OPRM1: variants seen among roughly 807,000 people sequenced by gnomAD.
OPRM1 encodes the protein mu-type opioid receptor.
In OPRM1, 27 loss-of-function variants were observed where a neutral mutation model predicts 31.8. The observed-to-expected ratio is 0.85, with a 90% confidence interval of 0.63 to 1.17. The LOEUF (loss-of-function observed/expected upper bound fraction) is 1.17, where lower values mean the gene tolerates loss of function less well. Among genes scored for constraint, OPRM1 ranks in the 50% most tolerant of loss-of-function variants. The pLI is 0.00. For missense variants in OPRM1, 536 were observed against 511.1 expected, an observed-to-expected ratio of 1.05 and a Z score of -0.47; for synonymous variants, 196 against 189.9, an observed-to-expected ratio of 1.03 and a Z score of -0.26.
chr6:154,165,047 T>C (rs1799319026), intron 3 of OPRM1, among the ~76,000 whole-genome samples: 4 of 152,186 alleles, frequency 2.6e-5, no homozygotes. Flanking sequence ...ACAGTTTCCT[T>C]GTTTCTGCAT....
At chr6:154,178,219 C>G (rs1434805422) in intron 3 of OPRM1, among the ~76,000 whole-genome samples, 1 of 152,100 alleles carries the variant, frequency 6.6e-6, no homozygotes, top group African/African-American at 2.4e-5. Flanking sequence ...AGCAAACCAC[C>G]ATGGCACATG....
chr6:154,063,472 C>A (rs1268808426), intron 1 of OPRM1, among the ~76,000 whole-genome samples: 1 of 151,722 alleles, frequency 6.6e-6, no homozygotes, highest in Non-Finnish European at 1.5e-5. Context: ...TTTTTTAACC[C>A]TAATTCATAT....
At chr6:154,110,886 CAAAAAA>C (rs374739553) in intron 3 of OPRM1, among the ~76,000 whole-genome samples, 826 of 63,596 alleles carry the variant, frequency 0.013, 10 homozygotes, top group Non-Finnish European at 0.016. Flanking sequence ...GACTCCGTCT[CAAAAAA>C]AAAAAAAAAA....
chr6:154,085,848 A>G (rs1790402588), intron 1 of OPRM1, among the ~76,000 whole-genome samples: 1 of 149,670 alleles, frequency 6.7e-6, no homozygotes, highest in Admixed American at 6.6e-5. Flanking sequence ...TGCTGGGACA[A>G]CATTCATGCC....
At chr6:154,066,085 TG>T (rs1785340806) in intron 1 of OPRM1, among the ~76,000 whole-genome samples, 2 of 152,202 alleles carry the variant, frequency 1.3e-5, no homozygotes, top group South Asian at 4.1e-4. Context: ...GGTATTCACA[TG>T]TTGAACCATC....
intron 3 of OPRM1, among the ~76,000 whole-genome samples, chr6:154,151,375 C>T (rs941335016): frequency 3.3e-5 from 5 of 152,264 alleles, no homozygotes; most frequent in Admixed American, 6.5e-5. Flanking sequence ...AGCCCTGGAG[C>T]ACACATCCTA....
In OPRM1 at chr6:154,208,447, T is replaced by C. The variant is rs560414559; in HGVS notation, c.1165-38246T>C. 1.5e-3 allele frequency among the ~76,000 whole-genome samples: 228 copies of C among 152,322 alleles called. 1 individual carries two copies. The highest frequency in any genetic ancestry group is 5.2e-3 in the African/African-American group (218 of 41,576). ...ACAACCCAATCTCTACCCCATCACA[T>C]CCTGACTCACTGGACTCCACTTCTG... On this transcript the variant is annotated intron_variant, in intron 3 of 3. Transcript: ENST00000337049.
intron 3 of OPRM1, among the ~76,000 whole-genome samples, chr6:154,179,439 T>C (rs922002197): frequency 2.6e-5 from 4 of 152,230 alleles, no homozygotes; most frequent in African/African-American, 9.6e-5. Context: ...GAAAAAAGAT[T>C]GGCAGAGAAG....
At chr6:154,095,786 A>G (rs1335744361) in intron 3 of OPRM1, among the ~76,000 whole-genome samples, 1 of 152,058 alleles carries the variant, frequency 6.6e-6, no homozygotes, top group Non-Finnish European at 1.5e-5. Context: ...TGTCTTTATG[A>G]CTTTTAGATC....
intron 1 of OPRM1, among the ~76,000 whole-genome samples, chr6:154,026,953 G>A (rs1201781061): frequency 2.6e-5 from 4 of 151,498 alleles, no homozygotes; most frequent in East Asian, 1.9e-4. Flanking sequence ...ATAGTCCCTG[G>A]TGGCTTATTT....
chr6:154,149,446 T>C (rs1246491993), intron 3 of OPRM1, among the ~76,000 whole-genome samples: 1 of 152,168 alleles, frequency 6.6e-6, no homozygotes, highest in Admixed American at 6.5e-5. Context: ...GGGTAGGGAC[T>C]CAAAGCCTAC....
At chr6:154,053,655 C>T (rs1450937097) in intron 1 of OPRM1, among the ~76,000 whole-genome samples, 2 of 152,170 alleles carry the variant, frequency 1.3e-5, no homozygotes, top group African/African-American at 4.8e-5. Context: ...AATCTCCTCC[C>T]TGCCTGACTC....
intron 3 of OPRM1, among the ~76,000 whole-genome samples, chr6:154,178,623 C>T (rs1427655450): frequency 6.6e-6 from 1 of 152,078 alleles, no homozygotes; most frequent in African/African-American, 2.4e-5. Context: ...ATAAAGTGAA[C>T]CTGTTGGGGT....
At chr6:154,165,679 A>G (rs530535787) in intron 3 of OPRM1, among the ~76,000 whole-genome samples, 1 of 152,342 alleles carries the variant, frequency 6.6e-6, no homozygotes, top group East Asian at 1.9e-4. Context: ...CTGGTATTCA[A>G]GGCCTTGTGT....
intron 1 of OPRM1, among the ~76,000 whole-genome samples, chr6:154,066,147 A>G (rs1263516576): frequency 1.3e-5 from 2 of 152,112 alleles, no homozygotes; most frequent in Non-Finnish European, 1.5e-5. Flanking sequence ...AATCCTCTCA[A>G]TATGCTGTAG....
intron 3 of OPRM1, among the ~76,000 whole-genome samples, chr6:154,185,480 T>C (rs886193805): frequency 6.6e-6 from 1 of 152,244 alleles, no homozygotes; most frequent in African/African-American, 2.4e-5. Context: ...AGTTCAGTGT[T>C]ACTTTACATG....
intron 3 of OPRM1, among the ~76,000 whole-genome samples, chr6:154,139,657 C>T (rs1798147408): frequency 6.6e-6 from 1 of 152,130 alleles, no homozygotes; most frequent in African/African-American, 2.4e-5. Flanking sequence ...AAGGGCATCA[C>T]TATGGCTGCA....
chr6:154,075,580 G>A (rs1026569257), intron 1 of OPRM1, among the ~76,000 whole-genome samples: 1 of 151,796 alleles, frequency 6.6e-6, no homozygotes, highest in Admixed American at 6.6e-5. Context: ...GCCTCCCGAA[G>A]AGCTGGGATT....
chr6:154,231,098 CTG>C (rs1779678684), intron 3 of OPRM1, among the ~76,000 whole-genome samples: 1 of 152,330 alleles, frequency 6.6e-6, no homozygotes, highest in South Asian at 2.1e-4. Flanking sequence ...GGTCTAAACT[CTG>C]AGCTGAGCTG....
Sources: gnomAD v4.1 joint callset for allele counts (sites outside exome capture counted in the v4.1 genomes callset) on GRCh38, gnomAD v4.1.1 for gene constraint, MANE v1.5 for transcripts, NCBI Gene and HGNC (gene_info 2026-07-23, HGNC 2026-07-21) for gene names.